The following KLHL30 variants were observed in gnomAD, a reference collection of about 807,000 sequenced individuals.
The protein encoded by KLHL30 is kelch like family member 30.
KLHL30 carries 55 observed loss-of-function variants against 55.0 expected under a neutral mutation model. That is an observed-to-expected ratio of 1.00 (90% confidence interval 0.80 to 1.25). KLHL30 has a LOEUF of 1.25. Among genes scored for constraint, KLHL30 ranks in the 50% most tolerant of loss-of-function variants. The pLI is 0.00. For synonymous variants in KLHL30, 356 were observed against 372.6 expected (o/e 0.96, Z 0.51); for missense variants, 786 against 811.6 (o/e 0.97, Z 0.38).
At chr2:238,139,211 G>T in intron 1 of KLHL30, among the ~76,000 whole-genome samples, 1 of 152,334 alleles carries the variant, frequency 6.6e-6, no homozygotes, top group Non-Finnish European at 1.5e-5. Flanking sequence ...GCGCTCATGC[G>T]TGCCTGCCCA....
rs747921533 is a variant in KLHL30, at chr2:238,142,928, G to A, written c.904G>A (p.Ala302Thr). ...LGNFAFYNSK[A>T]KRWMALPDFP... is the part of the protein sequence containing the mutation. ...GAACTTTGCCTTCTACAACAGCAAG[G>A]CCAGTGAGTACCCCTCCCGCGTCCA... Residue 302 changes from alanine (A) to threonine (T), a missense_variant, in exon 3 of 8, where the codon GCC becomes ACC. By Grantham distance (58) the Ala-to-Thr change is moderately conservative. Coordinates refer to ENST00000409223, the MANE Select transcript of KLHL30 (RefSeq NM_198582.4). 32 of 1,507,474 alleles carry A rather than the reference G, an allele frequency of 2.1e-5. 1 individual carries two copies. In the South Asian group the frequency reaches 3.1e-4, roughly 15 times the overall value. The allele number at this position is 1,507,474 out of a possible 1,614,324, so 93.4% of individuals were successfully genotyped here.
intron 3 of KLHL30, among the ~76,000 whole-genome samples, chr2:238,143,893 C>CT (rs1692585735): frequency 2.6e-5 from 4 of 152,206 alleles, no homozygotes; most frequent in Non-Finnish European, 5.9e-5. Flanking sequence ...AGGCTCTGCT[C>CT]CCAGGGAGGC....
In KLHL30 at chr2:238,151,530, G is replaced by A. The variant is rs1430010723; in HGVS notation, c.*465G>A. ...GAGATGGGATCAGCACCAGGTCCTC[G>A]TGGGCCTGCTTCTGCCCAGCTCACG... On this transcript the variant is annotated 3_prime_UTR_variant, in exon 8 of 8. Coordinates refer to ENST00000409223, the MANE Select transcript of KLHL30 (RefSeq NM_198582.4). 2.3e-5 allele frequency: 4 copies of A among 177,594 alleles called. No individual in the cohort carries two copies. The highest frequency in any genetic ancestry group is 1.7e-4 in the Admixed American group (3 of 17,634). 11.0% of individuals were successfully genotyped at this position (177,594 alleles called of 1,614,324 possible).
At chr2:238,143,958 G>A (rs1176095160) in intron 3 of KLHL30, among the ~76,000 whole-genome samples, 1 of 152,218 alleles carries the variant, frequency 6.6e-6, no homozygotes, top group Non-Finnish European at 1.5e-5. Context: ...AGTCTTCCTA[G>A]GGGACATCCC....
intron 6 of KLHL30, 88 bp from the exon 7 acceptor site, chr2:238,148,919 G>A (rs1692697046): frequency 1.3e-5 from 18 of 1,344,248 alleles, no homozygotes; most frequent in Non-Finnish European, 1.7e-5. Context: ...GAGAGGCACT[G>A]AGTCCAGGGT....
chr2:238,151,560 C>T lies in KLHL30; in HGVS notation c.*495C>T, dbSNP rs1184131621. 6.1e-6 allele frequency: 1 copy of T among 164,184 alleles called. No individual in the cohort carries two copies. The allele number at this position is 164,184 out of a possible 1,614,324, so 10.2% of individuals were successfully genotyped here. A position where few individuals can be genotyped will look rare whatever the true frequency, so the allele number is the denominator to read the frequency against. ...CCTGCTTCTGCCCAGCTCACGGCAG[C>T]GTAACTGTGGCCAGCCACCTCCCCT... On this transcript the variant is annotated 3_prime_UTR_variant, in exon 8 of 8. Transcript: ENST00000409223.
chr2:238,144,952 TC>T lies in KLHL30; in HGVS notation c.961del (p.Leu321TrpfsTer4). The T allele has an allele frequency of 6.2e-7, 1 of 1,610,884 alleles. No individual in the cohort carries two copies. The highest frequency in any genetic ancestry group is 8.5e-7 in the Non-Finnish European group (1 of 1,178,730). ...CCCCGACTATCACAAGTGGGGTTTC[TC>T]CCTGGCGGCCCTGAACAACAACATC... The part of the protein sequence containing the change: ...DFPDYHKWGF[S>X]LAALNNNIYV... On this transcript the variant is annotated frameshift_variant, in exon 4 of 8. Transcript: ENST00000409223. LOFTEE classifies it high-confidence loss of function.
chr2:238,140,374 C>T (rs1398923007), intron 1 of KLHL30, among the ~76,000 whole-genome samples: 1 of 152,140 alleles, frequency 6.6e-6, no homozygotes, highest in Admixed American at 6.5e-5. Context: ...CAGTGTAGCC[C>T]AGGGTTGCAG....
rs1291419132 is a variant in KLHL30, at chr2:238,140,936, T to C, written c.182T>C (p.Met61Thr). The change falls in exon 2 of 8, where the codon ATG becomes ACG. Residue 61 changes from methionine (M) to threonine (T), a missense_variant. Transcript: ENST00000409223. ...LALSSPYFHA[M>T]FAGDFAESFS... ...CTCAGCAGCCCCTACTTCCATGCCA[T>C]GTTTGCGGGTGACTTCGCCGAGAGC... 8 of 1,611,148 alleles carry C rather than the reference T, an allele frequency of 5.0e-6. No individual in the cohort carries two copies.
chr2:238,145,180 T>C (rs2106312770), intron 4 of KLHL30, among the ~76,000 whole-genome samples, 192 bp downstream of exon 4: 1 of 152,306 alleles, frequency 6.6e-6, no homozygotes, highest in South Asian at 2.1e-4. Context: ...GTACACAGGC[T>C]AGTGTGGGCC....
At chr2:238,148,142 G>A (rs1310092650) in intron 6 of KLHL30, 120 bp downstream of exon 6, 2 of 1,030,790 alleles carry the variant, frequency 1.9e-6, no homozygotes, top group African/African-American at 1.7e-5. Flanking sequence ...GGGGTGGAGA[G>A]AGCCGGCGGC....
At chr2:238,149,679 C>T (rs1338789961) in intron 7 of KLHL30, among the ~76,000 whole-genome samples, 2 of 152,134 alleles carry the variant, frequency 1.3e-5, no homozygotes, top group East Asian at 1.9e-4. Flanking sequence ...GCATCCTCTG[C>T]CCCAGGGTGG....
At chr2:238,144,398 G>T (rs1004255274) in intron 3 of KLHL30, among the ~76,000 whole-genome samples, 42 of 104,206 alleles carry the variant, frequency 4.0e-4, no homozygotes, top group East Asian at 2.6e-3. Flanking sequence ...AAGGAAGGAA[G>T]GAAGGAAGGA....
chr2:238,150,796 C>A lies in KLHL30; in HGVS notation c.1486-18C>A, dbSNP rs779480866. 230 of 1,564,622 alleles carry A rather than the reference C, an allele frequency of 1.5e-4. No homozygotes were observed. Among genetic ancestry groups the A allele is most frequent in the Non-Finnish European group, 2.0e-4 (226 of 1,155,556 alleles). On this transcript the variant is annotated intron_variant, in intron 7 of 7. Coordinates refer to ENST00000409223, the MANE Select transcript of KLHL30 (RefSeq NM_198582.4). Reference sequence around the variant, plus strand: ...CCAGCTCCCGCCCACCGGACGCTAACCCGCTGACCGTGCACAGGTGCAGTC... The same window carrying A: ...CCAGCTCCCGCCCACCGGACGCTAAACCGCTGACCGTGCACAGGTGCAGTC...
Position 238,152,216 on chromosome 2 carries a change from C to T in KLHL30, c.*1151C>T, listed in dbSNP as rs148630487. On this transcript the variant is annotated 3_prime_UTR_variant, in exon 8 of 8. Transcript: ENST00000409223. Reference sequence around the variant, plus strand: ...ATCCAGGCTTCCTCTCCAGGACCAGCCCCTGGGTTCCTCCTTAACACCCCC... The same window carrying T: ...ATCCAGGCTTCCTCTCCAGGACCAGTCCCTGGGTTCCTCCTTAACACCCCC... 2.2e-3 allele frequency: 2,159 copies of T among 985,558 alleles called. 5 individuals are homozygous for T. The highest frequency in any genetic ancestry group is 6.8e-3 in the Middle Eastern group (13 of 1,914). The allele number at this position is 985,558 out of a possible 1,614,324, so 61.1% of individuals were successfully genotyped here. A position where few individuals can be genotyped will look rare whatever the true frequency, so the allele number is the denominator to read the frequency against.
At chr2:238,149,941 C>A (rs73102354) in intron 7 of KLHL30, among the ~76,000 whole-genome samples, 1,889 of 152,274 alleles carry the variant, frequency 0.012, 34 homozygotes, top group African/African-American at 0.043. Context: ...CCAGTCCCTG[C>A]AGGCTGAGAA....
In KLHL30 at chr2:238,145,802, GC is replaced by G. The variant is rs1692637513; in HGVS notation, c.1123del (p.Leu375SerfsTer77). 1.2e-6 allele frequency: 2 copies of G among 1,607,442 alleles called. 1 individual carries two copies. Among genetic ancestry groups the G allele is most frequent in the African/African-American group, 2.7e-5 (2 of 74,836 alleles). ...GCCCCGCACCAACCACGCCAGCGCG[GC>G]CCTCAATGGGGAGATCTACGTTATC... ...LKPRTNHASA[A>X]LNGEIYVIGG... On this transcript the variant is annotated frameshift_variant, in exon 5 of 8. Transcript: ENST00000409223. LOFTEE classifies it high-confidence loss of function.
intron 5 of KLHL30, among the ~76,000 whole-genome samples, chr2:238,146,199 T>C (rs1486993116): frequency 6.6e-6 from 1 of 151,854 alleles, no homozygotes; most frequent in Non-Finnish European, 1.5e-5. Context: ...CCAGGAGCCG[T>C]CACTGATTAA....
Position 238,141,425 on chromosome 2 carries a change from T to C in KLHL30, c.671T>C (p.Leu224Pro). 2 of 1,563,970 alleles carry C rather than the reference T, an allele frequency of 1.3e-6. No homozygotes were observed. The highest frequency in any genetic ancestry group is 1.7e-6 in the Non-Finnish European group (2 of 1,160,714). ...CCCGAGCTGCTCAGCCTAGTGCACC[T>C]GGACGCCGTGCCCAGGCCCTGCGTG... is the stretch of plus-strand genomic sequence containing the variant. The part of the protein sequence containing the change: ...HLPELLSLVH[L>P]DAVPRPCVQQ... Residue 224 changes from leucine (L) to proline (P), a missense_variant, in exon 2 of 8, where the codon CTG becomes CCG. By Grantham distance (98) the Leu-to-Pro change is moderately conservative. Coordinates refer to ENST00000409223, the MANE Select transcript of KLHL30 (RefSeq NM_198582.4).
Sources: gnomAD v4.1 joint callset for allele counts (sites outside exome capture counted in the v4.1 genomes callset) on GRCh38, gnomAD v4.1.1 for gene constraint, MANE v1.5 for transcripts, NCBI Gene and HGNC (gene_info 2026-07-23, HGNC 2026-07-21) for gene names.